SPACA6: variants seen among roughly 807,000 people sequenced by gnomAD.
SPACA6 encodes sperm acrosome membrane-associated protein 6.
For synonymous variants in SPACA6, 6 were observed against 1.5 expected, an observed-to-expected ratio of 4.05 and a Z score of -2.21; for missense variants, 8 against 2.8, an observed-to-expected ratio of 2.88 and a Z score of -1.34.
chr19:51,690,960 C>T (rs907744250), upstream of SPACA6, among the ~76,000 whole-genome samples: 1 of 151,860 alleles, frequency 6.6e-6, no homozygotes, highest in East Asian at 2.0e-4. Context: ...CCCACCTTGG[C>T]CTGACTCTCG....
upstream of SPACA6, chr19:51,693,238 C>A (rs916659160): frequency 1.1e-5 from 7 of 666,010 alleles, no homozygotes; most frequent in East Asian, 2.8e-5. Flanking sequence ...GTCTACCGGG[C>A]CACCGCACAC....
At chr19:51,700,311 T>C (rs2083459274) in intron 2 of SPACA6, among the ~76,000 whole-genome samples, 1 of 151,936 alleles carries the variant, frequency 6.6e-6, no homozygotes. Flanking sequence ...GATGGGTAAA[T>C]ATAGAAGTGA....
chr19:51,705,241 GCAGCAAGCC>G (rs1305401191), downstream of SPACA6: 1 of 398,890 alleles, frequency 2.5e-6, no homozygotes, highest in Admixed American at 4.4e-5. Flanking sequence ...AGGAGGAGGT[GCAGCAAGCC>G]CACACATGCC....
chr19:51,702,660 C>T lies in SPACA6; in HGVS notation c.385+8C>T, dbSNP rs1229932714. ...CTTGCATCCCTCCCTGCGGTAAGGA[C>T]TTCATCTAAAACTTGGAAATTGCGG... On this transcript the variant is annotated splice_region_variant and intron_variant, in intron 4 of 8. Transcript: ENST00000637797. 2 of 399,210 alleles carry T rather than the reference C, an allele frequency of 5.0e-6. No homozygotes were observed. The highest frequency in any genetic ancestry group is 1.3e-4 in the South Asian group (1 of 7,864). 24.7% of individuals were successfully genotyped at this position (399,210 alleles called of 1,614,324 possible).
chr19:51,708,175 A>G (rs1186450029), downstream of SPACA6, among the ~76,000 whole-genome samples: 1 of 152,218 alleles, frequency 6.6e-6, no homozygotes, highest in Non-Finnish European at 1.5e-5. Flanking sequence ...GAGACCACCA[A>G]GAGTCACTTG....
In SPACA6 at chr19:51,698,734, T is replaced by A. The variant is rs563039005; in HGVS notation, c.293-2924T>A. ...ATCCTCAGTTCCCTCCCTTTTTGTA[T>A]GGCTTTAATCACAGAGGACGCTTTC... On this transcript the variant is annotated intron_variant, in intron 2 of 8. Transcript: ENST00000637797. Among the ~76,000 whole-genome samples, 4 of 152,340 alleles carry A rather than the reference T, an allele frequency of 2.6e-5. No individual in the cohort carries two copies. The South Asian group carries it at 8.3e-4, about 32-fold the overall frequency.
At chr19:51,692,988 G>A (rs1435068423), upstream of SPACA6, 2 of 402,556 alleles carry the variant, frequency 5.0e-6, no homozygotes, top group Non-Finnish European at 1.0e-5. The surrounding 1 kb of genome is among the most constrained non-coding windows in gnomAD (Gnocchi z 5.6). Context: ...CCTTGTCCCT[G>A]CATCCCCTCC....
downstream of SPACA6, among the ~76,000 whole-genome samples, chr19:51,708,242 G>A (rs749562106): frequency 1.3e-5 from 2 of 152,128 alleles, no homozygotes; most frequent in Non-Finnish European, 2.9e-5. Context: ...GGAGCTCTAT[G>A]TAAGACGCTT....
chr19:51,705,140 C>T lies in SPACA6; in HGVS notation c.*17C>T, dbSNP rs180742666. 36 of 401,348 alleles carry T rather than the reference C, an allele frequency of 9.0e-5. 1 individual carries two copies. The highest frequency in any genetic ancestry group is 2.2e-4 in the Admixed American group (5 of 22,748). The allele number at this position is 401,348 out of a possible 1,614,324, so 24.9% of individuals were successfully genotyped here. A position where few individuals can be genotyped will look rare whatever the true frequency, so the allele number is the denominator to read the frequency against. ...GGCAACTAACAAAGGTATCTTTCCT[C>T]CTTCCCTATCCTATTTCCATCCTGA... is the stretch of plus-strand genomic sequence containing the variant. On this transcript the variant is annotated 3_prime_UTR_variant, in exon 9 of 9. Coordinates refer to ENST00000637797, the MANE Select transcript of SPACA6 (RefSeq NM_001316972.2).
rs1568620380 is a variant in SPACA6, at chr19:51,704,429, T to A, written c.890T>A (p.Leu297Gln). 1 of 401,140 alleles carries A rather than the reference T, an allele frequency of 2.5e-6. No individual in the cohort carries two copies. Among genetic ancestry groups the A allele is most frequent in the South Asian group, 1.3e-4 (1 of 7,970 alleles). The allele number at this position is 401,140 out of a possible 1,614,324, so 24.8% of individuals were successfully genotyped here. The change falls in exon 8 of 9, where the codon CTG becomes CAG. Residue 297 changes from leucine to glutamine, a missense_variant. Coordinates refer to ENST00000637797, the MANE Select transcript of SPACA6 (RefSeq NM_001316972.2). ...PEALTPSNLF[L>Q]LAVLGALASA... Reference sequence around the variant, plus strand: ...GCTCTGACGCCCAGCAATCTGTTCCTGCTTGCAGTCCTCGGGGCCCTCGCA... The same window carrying A: ...GCTCTGACGCCCAGCAATCTGTTCCAGCTTGCAGTCCTCGGGGCCCTCGCA...
chr19:51,703,914 GGGCTCAA>G lies in SPACA6; in HGVS notation c.574-109_574-103del, dbSNP rs945620409. 1,126 of 397,386 alleles carry G rather than the reference GGGCTCAA, an allele frequency of 2.8e-3. 5 individuals are homozygous for G. Among genetic ancestry groups the G allele is most frequent in the Non-Finnish European group, 4.0e-3 (914 of 226,080 alleles). The allele number at this position is 397,386 out of a possible 1,614,324, so 24.6% of individuals were successfully genotyped here. A position where few individuals can be genotyped will look rare whatever the true frequency, so the allele number is the denominator to read the frequency against. ...CAGGGGAGCGAGAAGGCTCGGGGGC[GGGCTCAA>G]GGCTCAGGGCCAGGACTCCAGGGGG... On this transcript the variant is annotated intron_variant, in intron 6 of 8. Transcript: ENST00000637797. The surrounding 1 kb of genome is among the most constrained non-coding windows in gnomAD (Gnocchi z 4.2).
Position 51,703,928 on chromosome 19 carries a change from G to C in SPACA6, c.574-102G>C. 2.5e-6 allele frequency: 1 copy of C among 398,270 alleles called. No individual in the cohort carries two copies. Among genetic ancestry groups the C allele is most frequent in the Non-Finnish European group, 4.4e-6 (1 of 226,164 alleles). The allele number at this position is 398,270 out of a possible 1,614,324, so 24.7% of individuals were successfully genotyped here. The stretch of plus-strand genomic sequence containing the variant: ...GGCTCGGGGGCGGGCTCAAGGCTCA[G>C]GGCCAGGACTCCAGGGGGCGTGGTC... On this transcript the variant is annotated intron_variant, in intron 6 of 8. Coordinates refer to ENST00000637797, the MANE Select transcript of SPACA6 (RefSeq NM_001316972.2). This position sits in a 1 kb window ranked among gnomAD's most constrained non-coding sequence, Gnocchi z 4.2.
At chr19:51,683,976 AC>A in the SPACA6 span, among the ~76,000 whole-genome samples, 1 of 152,266 alleles carries the variant, frequency 6.6e-6, no homozygotes, top group South Asian at 2.1e-4. Flanking sequence ...GCATATGTAT[AC>A]ATTTATATTT....
chr19:51,710,913 C>G (rs2083538414), intron 2 of SPACA6, among the ~76,000 whole-genome samples: 1 of 152,162 alleles, frequency 6.6e-6, no homozygotes, highest in Non-Finnish European at 1.5e-5. Context: ...AACCCTGTCT[C>G]TACTAAAAAT....
At chr19:51,699,311 GC>G (rs1415048597) in intron 2 of SPACA6, among the ~76,000 whole-genome samples, 1 of 152,092 alleles carries the variant, frequency 6.6e-6, no homozygotes. Flanking sequence ...CCCTTTTAAG[GC>G]CACCTCCTGT....
upstream of SPACA6, chr19:51,689,310 G>A (rs2083349485): frequency 6.6e-6 from 1 of 150,872 alleles, no homozygotes; most frequent in Admixed American, 6.6e-5. Context: ...GGGGCGGGGG[G>A]CCCCCTGGGG....
chr19:51,709,300 C>G (rs1356513124), downstream of SPACA6, among the ~76,000 whole-genome samples: 2 of 151,302 alleles, frequency 1.3e-5, no homozygotes, highest in African/African-American at 4.9e-5. Context: ...GGCAGATCAC[C>G]TGAGGTCAGG....
At chr19:51,690,221 GC>G (rs1017366921), upstream of SPACA6, among the ~76,000 whole-genome samples, 1 of 149,636 alleles carries the variant, frequency 6.7e-6, no homozygotes, top group Non-Finnish European at 1.5e-5. Flanking sequence ...CGAGCCCCCA[GC>G]CCCCTTTTTT....
At chr19:51,694,054 CAG>C (rs535527792) in intron 1 of SPACA6, 73 of 248,224 alleles carry the variant, frequency 2.9e-4, no homozygotes, top group South Asian at 2.8e-3. Context: ...TATGGAGAGT[CAG>C]AGAGGGGAGG....
Sources: gnomAD v4.1 joint callset for allele counts (sites outside exome capture counted in the v4.1 genomes callset) on GRCh38, gnomAD v4.1.1 for gene constraint, Gnocchi (gnomAD v3.1) non-coding constraint, MANE v1.5 for transcripts, NCBI Gene and HGNC (gene_info 2026-07-23, HGNC 2026-07-21) for gene names.